Variants in TTLL11 observed in about 807,000 individuals in gnomAD.
TTLL11 encodes tubulin polyglutamylase TTLL11.
TTLL11 carries 42 observed loss-of-function variants against 51.7 expected under a neutral mutation model. That is an observed-to-expected ratio of 0.81 (90% CI 0.64 to 1.05). TTLL11 has a LOEUF of 1.05. Ranked by LOEUF, TTLL11 falls within the 50% of genes least tolerant of loss-of-function variation. TTLL11 has a pLI of 0.00. For missense variants in TTLL11, 799 were observed against 940.4 expected, an observed-to-expected ratio of 0.85 and a Z score of 1.97; for synonymous variants, 381 against 383.5, an observed-to-expected ratio of 0.99 and a Z score of 0.08.
In TTLL11 at chr9:122,039,333, G is replaced by A; in HGVS notation, c.498C>T (p.Tyr166=). 6.2e-7 allele frequency: 1 copy of A among 1,614,092 alleles called. No homozygotes were observed. Among genetic ancestry groups the A allele is most frequent in the East Asian group, 2.2e-5 (1 of 44,880 alleles). Residue 166 remains tyrosine, a synonymous_variant, in exon 2 of 9, where the codon TAC becomes TAT. Coordinates refer to ENST00000321582, the MANE Select transcript of TTLL11 (RefSeq NM_001139442.2). ...PFGRRLPCDI[Y]WHGVSFHDND... is the part of the protein sequence containing the mutation. Reference sequence around the variant, plus strand: ...TGTCGTGAAATGAAACTCCATGCCAGTAGATGTCACAAGGCAAGCGCCGGC... The same window carrying A: ...TGTCGTGAAATGAAACTCCATGCCAATAGATGTCACAAGGCAAGCGCCGGC...
intron 6 of TTLL11, among the ~76,000 whole-genome samples, chr9:121,935,504 A>T (rs886914278): frequency 6.6e-6 from 1 of 152,192 alleles, no homozygotes; most frequent in Non-Finnish European, 1.5e-5. Context: ...ATTTTTAAAA[A>T]ATTTTATCTT....
chr9:121,865,651 T>C (rs1259727695), intron 7 of TTLL11, among the ~76,000 whole-genome samples: 1 of 151,806 alleles, frequency 6.6e-6, no homozygotes, highest in Non-Finnish European at 1.5e-5. Flanking sequence ...AGCTGAAGAA[T>C]CAATCAGATA....
At chr9:121,839,637 C>T (rs773962773) in intron 8 of TTLL11, among the ~76,000 whole-genome samples, 2 of 152,166 alleles carry the variant, frequency 1.3e-5, no homozygotes, top group East Asian at 1.9e-4. Flanking sequence ...TGGAGGGCTG[C>T]GGCTCAGAAT....
intron 3 of TTLL11, among the ~76,000 whole-genome samples, chr9:122,003,429 T>C (rs1472624442): frequency 1.4e-5 from 2 of 146,346 alleles, no homozygotes; most frequent in African/African-American, 2.4e-5. Context: ...GCAATTAATC[T>C]GTGAGACCAT....
intron 1 of TTLL11, among the ~76,000 whole-genome samples, chr9:122,070,278 C>G (rs1028235246): frequency 2.0e-5 from 3 of 152,066 alleles, no homozygotes; most frequent in African/African-American, 7.2e-5. Context: ...AAAGTTATTC[C>G]AGGCCAAGAG....
intron 3 of TTLL11, among the ~76,000 whole-genome samples, chr9:122,001,831 G>A (rs537632896): frequency 3.7e-4 from 56 of 152,316 alleles, no homozygotes; most frequent in Admixed American, 1.0e-3. Flanking sequence ...CACCATGAGA[G>A]TGAGAACAAG....
intron 8 of TTLL11, among the ~76,000 whole-genome samples, chr9:121,837,644 T>C (rs942764438): frequency 6.6e-6 from 1 of 152,254 alleles, no homozygotes; most frequent in South Asian, 2.1e-4. Context: ...TGGGATCTTG[T>C]GTGGTTGAAA....
At chr9:121,971,495 G>A (rs1842575596) in intron 6 of TTLL11, among the ~76,000 whole-genome samples, 4 of 135,360 alleles carry the variant, frequency 3.0e-5, no homozygotes, top group Non-Finnish European at 3.4e-5. Context: ...GGAGGTGAGG[G>A]GCGCCTCTGC....
At chr9:122,001,017 T>A (rs1048670854) in intron 3 of TTLL11, among the ~76,000 whole-genome samples, 2 of 152,228 alleles carry the variant, frequency 1.3e-5, no homozygotes, top group Non-Finnish European at 2.9e-5. Flanking sequence ...TCTACTGATA[T>A]TGGTTTTTTT....
chr9:122,092,861 C>A lies in TTLL11; in HGVS notation c.288G>T (p.Val96=). The A allele has an allele frequency of 1.3e-6, 2 of 1,572,144 alleles. No homozygotes were observed. The highest frequency in any genetic ancestry group is 1.7e-6 in the Non-Finnish European group (2 of 1,166,432). ...GCTTCCCGTGCGGGCAGAGGCCCTG[C>A]ACCGGCTTCGGCTTGGACGGGGGCA... is the stretch of plus-strand genomic sequence containing the variant. ...PTLPPSKPKP[V]QGLCPHGKPR... is the part of the protein sequence containing the mutation. Residue 96 remains valine (V), a synonymous_variant, in exon 1 of 9, where the codon GTG becomes GTT. Transcript: ENST00000321582.
intron 2 of TTLL11, among the ~76,000 whole-genome samples, chr9:122,035,315 C>A (rs563559219): frequency 6.6e-6 from 1 of 152,300 alleles, no homozygotes. Flanking sequence ...GTTCCCCTAT[C>A]GATTGGGAAA....
chr9:121,823,391 C>G lies in TTLL11; in HGVS notation c.1841-512G>C, dbSNP rs1836644496. On this transcript the variant is annotated intron_variant, in intron 8 of 8. Transcript: ENST00000321582. The stretch of plus-strand genomic sequence containing the variant: ...AGAAACCTCATCTCTACTAAAAGTA[C>G]AAAAATTAACTGGGCGTGGTGGCAT... Among the ~76,000 whole-genome samples, 4 of 152,128 alleles carry G rather than the reference C, an allele frequency of 2.6e-5. No homozygotes were observed. The South Asian group carries it at 8.3e-4, about 32-fold the overall frequency.
At chr9:121,825,392 C>T (rs2119107158) in intron 8 of TTLL11, among the ~76,000 whole-genome samples, 1 of 152,324 alleles carries the variant, frequency 6.6e-6, no homozygotes, top group Middle Eastern at 3.4e-3. Context: ...ACTGTGTGTC[C>T]CTGGTCCCTG....
intron 6 of TTLL11, among the ~76,000 whole-genome samples, chr9:121,954,923 G>A (rs1841974987): frequency 6.6e-6 from 1 of 152,110 alleles, no homozygotes; most frequent in East Asian, 1.9e-4. Context: ...CACAATAGCA[G>A]TCTCTAGAGA....
intron 4 of TTLL11, among the ~76,000 whole-genome samples, chr9:121,983,196 T>C (rs185990151): frequency 1.3e-5 from 2 of 152,288 alleles, no homozygotes; most frequent in Admixed American, 1.3e-4. Flanking sequence ...AAAAGAAGGA[T>C]GTCTCAGGCT....
intron 6 of TTLL11, among the ~76,000 whole-genome samples, chr9:121,906,690 G>A (rs145212867): frequency 6.6e-6 from 1 of 152,224 alleles, no homozygotes; most frequent in Non-Finnish European, 1.5e-5. Flanking sequence ...AAAGGGGAAG[G>A]AGGTTCAATG....
At chr9:121,933,008 GAA>G (rs998582738) in intron 6 of TTLL11, among the ~76,000 whole-genome samples, 31 of 152,192 alleles carry the variant, frequency 2.0e-4, no homozygotes, top group African/African-American at 7.2e-4. Flanking sequence ...ATGTCTCACG[GAA>G]AAGATTGATC....
chr9:122,004,996 G>A (rs915708488), intron 3 of TTLL11, among the ~76,000 whole-genome samples: 1 of 152,178 alleles, frequency 6.6e-6, no homozygotes, highest in East Asian at 1.9e-4. Flanking sequence ...GTTCTCATAG[G>A]GGCTATAGGT....
At chr9:121,872,484 G>A (rs1479053612) in intron 6 of TTLL11, among the ~76,000 whole-genome samples, 1 of 152,188 alleles carries the variant, frequency 6.6e-6, no homozygotes, top group Non-Finnish European at 1.5e-5. Context: ...AAGTTTCATT[G>A]AATCCATTGC....
Sources: gnomAD v4.1 joint callset for allele counts (sites outside exome capture counted in the v4.1 genomes callset) on GRCh38, gnomAD v4.1.1 for gene constraint, MANE v1.5 for transcripts, NCBI Gene and HGNC (gene_info 2026-07-23, HGNC 2026-07-21) for gene names.